The following SOAT1 variants were observed in gnomAD, a reference collection of about 807,000 sequenced individuals.
The protein encoded by SOAT1 is acyl-coenzyme A:cholesterol acyltransferase 1.
A neutral mutation model predicts 69.5 loss-of-function variants in SOAT1; 55 were observed. The ratio of observed to expected loss-of-function variants is 0.79; its 90% CI spans 0.64 to 0.99. SOAT1 has a LOEUF of 0.99. SOAT1 is among the 50% of genes least tolerant of loss of function. SOAT1 has a pLI of 0.00. For synonymous variants in SOAT1, 231 were observed against 224.7 expected, an observed-to-expected ratio of 1.03 and a Z score of -0.25; for missense variants, 580 against 669.3, an observed-to-expected ratio of 0.87 and a Z score of 1.47.
At chr1:179,319,466 C>G (rs1665518491) in intron 2 of SOAT1, among the ~76,000 whole-genome samples, 1 of 151,862 alleles carries the variant, frequency 6.6e-6, no homozygotes, top group South Asian at 2.1e-4. Flanking sequence ...GACGGGGTTT[C>G]TCCCCATCGG....
intron 4 of SOAT1, among the ~76,000 whole-genome samples, chr1:179,336,327 G>A (rs1042060961): frequency 6.0e-5 from 9 of 150,966 alleles, no homozygotes; most frequent in South Asian, 2.1e-4. Context: ...GCTGGACGTG[G>A]TCGTGCACGC....
intron 2 of SOAT1, among the ~76,000 whole-genome samples, chr1:179,305,025 A>G (rs1050028917): frequency 6.6e-6 from 1 of 152,226 alleles, no homozygotes; most frequent in Admixed American, 6.5e-5. Flanking sequence ...GTGGTTGCTA[A>G]TATATTTACA....
chr1:179,308,467 T>C (rs6425530), intron 2 of SOAT1, among the ~76,000 whole-genome samples: 39,220 of 151,098 alleles, frequency 0.26, 5,277 homozygotes, highest in African/African-American at 0.31. Flanking sequence ...AGGTCAGGAG[T>C]TCAAGACTAG....
rs184720351 is a variant in SOAT1 at position 179,353,440 on chromosome 1, A to T, written c.1597-145A>T. Reference sequence around the variant, plus strand: ...GTACTGAACATCTTTTGAATTAGTGAGCTGCTTATACCTTGAGGGTTGTTG... The same window carrying T: ...GTACTGAACATCTTTTGAATTAGTGTGCTGCTTATACCTTGAGGGTTGTTG... On this transcript the variant is annotated intron_variant, in intron 15 of 15. Coordinates refer to ENST00000367619, the MANE Select transcript of SOAT1 (RefSeq NM_003101.6). 9.6e-4 allele frequency: 676 copies of T among 704,556 alleles called. 2 individuals carry two copies. The African/African-American group carries it at 0.011, about 12-fold the overall frequency. 43.6% of individuals were successfully genotyped at this position (704,556 alleles called of 1,614,324 possible).
In SOAT1 at chr1:179,353,630, T is replaced by TACGTGTTTTA. The variant is rs752611693; in HGVS notation, c.1643_1652dup (p.Ter551=). ...CCGGCCACGTTCCTGGACTTGTCGT[T>TACGTGTTTTA]ACGTGTTTTAGAAGCTTGGACTTTG... On this transcript the variant is annotated stop_gained and frameshift_variant, in exon 16 of 16. Coordinates refer to ENST00000367619, the MANE Select transcript of SOAT1 (RefSeq NM_003101.6). LOFTEE classifies it high-confidence loss of function. The TACGTGTTTTA allele has an allele frequency of 1.4e-5, 22 of 1,613,630 alleles. No homozygotes were observed. Among genetic ancestry groups the TACGTGTTTTA allele is most frequent in the Non-Finnish European group, 1.8e-5 (21 of 1,179,746 alleles).
At chr1:179,348,980 T>A in intron 13 of SOAT1, 38 bp downstream of exon 13, 1 of 1,096,386 alleles carries the variant, frequency 9.1e-7, no homozygotes, top group Non-Finnish European at 1.4e-6. Context: ...ATTTATGAAA[T>A]GGAGATTCTT....
At chr1:179,312,221 A>G (rs1411756575) in intron 2 of SOAT1, among the ~76,000 whole-genome samples, 1 of 152,128 alleles carries the variant, frequency 6.6e-6, no homozygotes, top group African/African-American at 2.4e-5. Flanking sequence ...GAATGGGCCT[A>G]TTTTCCTAAC....
At position 179,313,265 on chromosome 1, in the gene SOAT1, C is replaced by T. The variant is rs191084490; in HGVS notation, c.119-10172C>T. ...TAGTTGCAGACTATACTGCCCATTA[C>T]GGAAAAAGCTTTCTGACTCTTGATC... On this transcript the variant is annotated intron_variant, in intron 2 of 15. Coordinates refer to ENST00000367619, the MANE Select transcript of SOAT1 (RefSeq NM_003101.6). Among the ~76,000 whole-genome samples the T allele has an allele frequency of 1.4e-4, 21 of 152,226 alleles. No homozygotes were observed. In the East Asian group the frequency reaches 3.3e-3, roughly 24 times the overall value.
intron 8 of SOAT1, among the ~76,000 whole-genome samples, 166 bp from the exon 9 acceptor site, chr1:179,342,696 T>TGG (rs1208466032): frequency 6.6e-6 from 1 of 152,184 alleles, no homozygotes; most frequent in Non-Finnish European, 1.5e-5. Flanking sequence ...TTGGTAATAT[T>TGG]CAATTCGTGC....
intron 2 of SOAT1, among the ~76,000 whole-genome samples, chr1:179,311,934 G>A (rs140137558): frequency 2.0e-5 from 3 of 152,298 alleles, no homozygotes; most frequent in Non-Finnish European, 4.4e-5. Flanking sequence ...TAGTTTGAAG[G>A]GTTAGTCTTG....
rs1418437687 is a variant in SOAT1, at chr1:179,342,917, C to G, written c.915C>G (p.Thr305=). The G allele has an allele frequency of 1.9e-6, 3 of 1,613,408 alleles. No homozygotes were observed. In the Admixed American group the frequency reaches 5.0e-5, roughly 27 times the overall value. The change falls in exon 9 of 16, where the codon ACC becomes ACG. Residue 305 remains threonine (T), a synonymous_variant. Coordinates refer to ENST00000367619, the MANE Select transcript of SOAT1 (RefSeq NM_003101.6). The part of the protein sequence containing the change: ...NQYLYFLFAP[T]LIYRDSYPRN... ...ATTTGTACTTCTTATTTGCTCCTAC[C>G]CTTATCTACCGTGACAGCTATCCCA...
At chr1:179,350,974 T>C (rs1469570830) in intron 14 of SOAT1, among the ~76,000 whole-genome samples, 1 of 151,190 alleles carries the variant, frequency 6.6e-6, no homozygotes, top group Non-Finnish European at 1.5e-5. Context: ...ATACCTGAGG[T>C]CCCTCATCTT....
At chr1:179,301,054 C>A (rs1324700703) in intron 1 of SOAT1, among the ~76,000 whole-genome samples, 1 of 152,114 alleles carries the variant, frequency 6.6e-6, no homozygotes, top group Non-Finnish European at 1.5e-5. Flanking sequence ...GAGATTGCAC[C>A]ATTGCACTCC....
chr1:179,301,466 G>A (rs1664828731), intron 1 of SOAT1, among the ~76,000 whole-genome samples: 1 of 152,066 alleles, frequency 6.6e-6, no homozygotes, highest in African/African-American at 2.4e-5. Flanking sequence ...TCCAACTAAT[G>A]CCAGTTCCAA....
intron 6 of SOAT1, 68 bp downstream of exon 6, chr1:179,339,613 G>A (rs1045816758): frequency 1.9e-5 from 19 of 1,001,516 alleles, no homozygotes; most frequent in East Asian, 7.9e-5. Flanking sequence ...CTAAATTTTG[G>A]TAAAGGGTAA....
Position 179,358,649 on chromosome 1 carries a change from A to G in SOAT1, c.*5008A>G, listed in dbSNP as rs932405282. 1 of 152,110 alleles carries G rather than the reference A, an allele frequency of 6.6e-6. No individual in the cohort carries two copies. Among genetic ancestry groups the G allele is most frequent in the Admixed American group, 6.6e-5 (1 of 15,250 alleles). The allele number at this position is 152,110 out of a possible 1,614,324, so 9.4% of individuals were successfully genotyped here. On this transcript the variant is annotated 3_prime_UTR_variant, in exon 16 of 16. Coordinates refer to ENST00000367619, the MANE Select transcript of SOAT1 (RefSeq NM_003101.6). ...GCACCAGAAGGGTCATGTAAATCTG[A>G]AGTTGTTATTAAAGGTTTTTCTATA...
chr1:179,306,290 T>G (rs1416566690), intron 2 of SOAT1, among the ~76,000 whole-genome samples: 1 of 152,118 alleles, frequency 6.6e-6, no homozygotes, highest in African/African-American at 2.4e-5. Context: ...CTGGGGACCC[T>G]CCAGTGGGCC....
At chr1:179,336,025 G>A (rs371405784) in intron 4 of SOAT1, among the ~76,000 whole-genome samples, 8 of 152,056 alleles carry the variant, frequency 5.3e-5, no homozygotes, top group African/African-American at 1.7e-4. Flanking sequence ...TTAGCCGGGC[G>A]TGGTGGCGGG....
At chr1:179,341,949 T>C in intron 7 of SOAT1, 165 bp from the exon 8 acceptor site, 4 of 489,608 alleles carry the variant, frequency 8.2e-6, no homozygotes, top group Non-Finnish European at 1.1e-5. Context: ...GTCAGATTCA[T>C]TGTTTTGTCA....
Sources: allele counts gnomAD v4.1 joint callset (sites outside exome capture counted in the v4.1 genomes callset), GRCh38; gene constraint gnomAD v4.1.1; transcripts MANE v1.5; gene names NCBI Gene and HGNC (gene_info 2026-07-23, HGNC 2026-07-21).